KCNG3: variants seen among roughly 807,000 people sequenced by gnomAD.
KCNG3 encodes potassium voltage-gated channel modifier subfamily G member 3, also known as voltage-gated potassium channel regulatory subunit KCNG3.
In KCNG3, 15 loss-of-function variants were observed where a neutral mutation model predicts 29.0. The ratio of observed to expected loss-of-function variants is 0.52; its 90% CI spans 0.35 to 0.80. KCNG3 has a LOEUF of 0.80. Among genes scored for constraint, KCNG3 ranks in the 30% least tolerant of loss-of-function variants. The pLI, the probability that KCNG3 is intolerant of heterozygous loss-of-function variation, is 0.01. For missense variants in KCNG3, 512 were observed against 605.7 expected, an observed-to-expected ratio of 0.85 and a Z score of 1.62; for synonymous variants, 322 against 248.9, an observed-to-expected ratio of 1.29 and a Z score of -2.76.
the KCNG3 span, among the ~76,000 whole-genome samples, chr2:42,401,259 T>C: frequency 6.8e-6 from 1 of 147,800 alleles, no homozygotes; most frequent in East Asian, 1.9e-4. Flanking sequence ...ATATGTATAA[T>C]ATGTGTATAC....
downstream of KCNG3, among the ~76,000 whole-genome samples, chr2:42,441,102 C>T (rs1451353690): frequency 6.6e-6 from 1 of 152,082 alleles, no homozygotes; most frequent in Non-Finnish European, 1.5e-5. Context: ...AGCAACAGGC[C>T]AGGCACAGTG....
At chr2:42,408,350 G>T in the KCNG3 span, among the ~76,000 whole-genome samples, 1 of 152,278 alleles carries the variant, frequency 6.6e-6, no homozygotes, top group African/African-American at 2.4e-5. Flanking sequence ...TGCCTTTTCT[G>T]GGCCCGCTCA....
chr2:42,428,949 T>A, the KCNG3 span, among the ~76,000 whole-genome samples: 1 of 151,882 alleles, frequency 6.6e-6, no homozygotes, highest in South Asian at 2.1e-4. Context: ...TGAAGCCCCA[T>A]CTCTACTAAA....
intron 1 of KCNG3, among the ~76,000 whole-genome samples, chr2:42,452,243 A>ATATATATATATATATTTTTTTTTT: frequency 3.2e-5 from 3 of 95,064 alleles, no homozygotes; most frequent in African/African-American, 1.2e-4. Flanking sequence ...ATATATATAT[A>ATATATATATATATATTTTTTTTTT]TTTTTTTTTT....
chr2:42,402,974 C>G, the KCNG3 span, among the ~76,000 whole-genome samples: 1 of 152,218 alleles, frequency 6.6e-6, no homozygotes, highest in Non-Finnish European at 1.5e-5. Flanking sequence ...TCAATTTGGG[C>G]AGAATCGCCA....
intron 1 of KCNG3, chr2:42,463,820 G>C (rs969326147): frequency 6.0e-5 from 14 of 232,502 alleles, no homozygotes; most frequent in Middle Eastern, 1.6e-3. Context: ...TCTGTACTTG[G>C]TTCGCAGGCT....
chr2:42,465,077 G>C (rs1167182011), intron 1 of KCNG3, among the ~76,000 whole-genome samples: 2 of 152,048 alleles, frequency 1.3e-5, no homozygotes, highest in Non-Finnish European at 2.9e-5. Flanking sequence ...TTGGTGTGTT[G>C]ATTTTAACAA....
chr2:42,480,342 G>C (rs1380519362), intron 1 of KCNG3, among the ~76,000 whole-genome samples: 1 of 152,132 alleles, frequency 6.6e-6, no homozygotes, highest in South Asian at 2.1e-4. Flanking sequence ...GGGAAAGAAC[G>C]TGCCTGAGGT....
At chr2:42,408,813 T>C in the KCNG3 span, among the ~76,000 whole-genome samples, 2 of 152,184 alleles carry the variant, frequency 1.3e-5, no homozygotes, top group African/African-American at 4.8e-5. Context: ...ACCACGTTGC[T>C]GGTGAAGAGA....
the KCNG3 span, among the ~76,000 whole-genome samples, chr2:42,434,648 A>G: frequency 0.011 from 1,566 of 143,492 alleles, 19 homozygotes; most frequent in Non-Finnish European, 0.017. Flanking sequence ...CCTAAGCAAC[A>G]AGAGTGAAAC....
At chr2:42,438,194 G>A (rs1219646152), downstream of KCNG3, among the ~76,000 whole-genome samples, 1 of 152,080 alleles carries the variant, frequency 6.6e-6, no homozygotes, top group Non-Finnish European at 1.5e-5. Flanking sequence ...AGATGTCACT[G>A]CTTGAGCCCA....
chr2:42,411,333 C>A, the KCNG3 span, among the ~76,000 whole-genome samples: 1 of 152,080 alleles, frequency 6.6e-6, no homozygotes, highest in South Asian at 2.1e-4. Flanking sequence ...TTTTATTGCT[C>A]CTACATTACA....
the KCNG3 span, among the ~76,000 whole-genome samples, chr2:42,390,796 C>T: frequency 6.6e-6 from 1 of 152,240 alleles, no homozygotes; most frequent in African/African-American, 2.4e-5. Flanking sequence ...CCAGCATTCA[C>T]AGGCTGTTAT....
intron 1 of KCNG3, among the ~76,000 whole-genome samples, chr2:42,482,924 C>T (rs4487132): frequency 0.091 from 13,815 of 151,980 alleles, 770 homozygotes; most frequent in African/African-American, 0.15. Context: ...AGTTCAAGAC[C>T]AGCCCGGACA....
the KCNG3 span, among the ~76,000 whole-genome samples, chr2:42,389,973 T>G: frequency 6.6e-6 from 1 of 152,320 alleles, no homozygotes; most frequent in African/African-American, 2.4e-5. Context: ...AGTTTACTGT[T>G]GTATAGGGCA....
At chr2:42,455,023 T>C (rs1419577972) in intron 1 of KCNG3, among the ~76,000 whole-genome samples, 1 of 152,234 alleles carries the variant, frequency 6.6e-6, no homozygotes, top group Non-Finnish European at 1.5e-5. Context: ...ACTTAAAAAT[T>C]GTTAAGATGG....
chr2:42,493,232 G>C lies in KCNG3; in HGVS notation c.270C>G (p.Cys90Trp). Residue 90 changes from cysteine to tryptophan, a missense_variant, in exon 1 of 2, where the codon TGC becomes TGG. Physicochemically the swap from Cys to Trp is radical, Grantham distance 215 (BLOSUM62 -2). Transcript: ENST00000306078. ...TCATCTCGTTGTAGAAGGAGAGCTC[G>C]CACATCCGCGGCGCGAAGCGCAGCT... ...HGKLRFAPRM[C>W]ELSFYNEMIY... 1.2e-6 allele frequency: 2 copies of C among 1,611,722 alleles called. No individual in the cohort carries two copies. Among genetic ancestry groups the C allele is most frequent in the Non-Finnish European group, 8.5e-7 (1 of 1,179,872 alleles).
intron 1 of KCNG3, among the ~76,000 whole-genome samples, chr2:42,479,134 C>CT (rs1489796745): frequency 6.6e-6 from 1 of 152,094 alleles, no homozygotes; most frequent in African/African-American, 2.4e-5. Context: ...TCTGTAGCAC[C>CT]TATCTCCTGA....
chr2:42,465,093 G>A (rs1496330), intron 1 of KCNG3, among the ~76,000 whole-genome samples: 66,968 of 152,014 alleles, frequency 0.44, 15,101 homozygotes, highest in Middle Eastern at 0.66. Context: ...AACAATTAGA[G>A]ATAATGCATT....
Sources: gnomAD v4.1 joint callset for allele counts (sites outside exome capture counted in the v4.1 genomes callset) on GRCh38, gnomAD v4.1.1 for gene constraint, MANE v1.5 for transcripts, NCBI Gene and HGNC (gene_info 2026-07-23, HGNC 2026-07-21) for gene names.